The following CXADR variants were observed in gnomAD, a reference collection of about 807,000 sequenced individuals.
CXADR encodes CXADR cell adhesion molecule.
CXADR carries 20 observed loss-of-function variants against 40.3 expected under a neutral mutation model. The ratio of observed to expected loss-of-function variants is 0.50; its 90% CI spans 0.35 to 0.72. The LOEUF (loss-of-function observed/expected upper bound fraction) is 0.72. Among genes scored for constraint, CXADR ranks in the 30% least tolerant of loss-of-function variants. The pLI is 0.01. For missense variants in CXADR, 332 were observed against 449.1 expected (o/e 0.74, Z 2.36); for synonymous variants, 150 against 161.3 (o/e 0.93, Z 0.53).
At position 17,559,097 on chromosome 21, in the gene CXADR, T is replaced by C. The variant is rs1162471050; in HGVS notation, c.537T>C (p.Ser179=). 1.2e-6 allele frequency: 2 copies of C among 1,614,152 alleles called. No homozygotes were observed. The highest frequency in any genetic ancestry group is 1.7e-6 in the Non-Finnish European group (2 of 1,180,000). ...TACAGTATGAGTGGCAAAAATTGTCTGACTCACAGAAAATGCCCACTTCAT... is the reference window on the plus strand; with the variant it reads ...TACAGTATGAGTGGCAAAAATTGTCCGACTCACAGAAAATGCCCACTTCAT... The part of the protein sequence containing the change: ...LPLQYEWQKL[S]DSQKMPTSWL... Residue 179 remains serine (S), a synonymous_variant, in exon 4 of 7, where the codon TCT becomes TCC. Coordinates refer to ENST00000284878, the MANE Select transcript of CXADR (RefSeq NM_001338.5).
intron 7 of CXADR, among the ~76,000 whole-genome samples, chr21:17,581,297 A>C (rs192902961): frequency 2.6e-4 from 40 of 152,318 alleles, no homozygotes; most frequent in African/African-American, 8.7e-4. Context: ...GTATGTATAA[A>C]TATATCTTTA....
chr21:17,534,071 C>CACACATATATATAGCTATATATATATAT (rs2060717307), intron 1 of CXADR, among the ~76,000 whole-genome samples: 2 of 56,946 alleles, frequency 3.5e-5, no homozygotes, highest in Non-Finnish European at 6.8e-5. Context: ...TATATATATA[C>CACACATATATATAGCTATATATATATAT]ACACACACAC....
At chr21:17,582,409 GC>G (rs2061367866) in intron 7 of CXADR, among the ~76,000 whole-genome samples, 1 of 152,010 alleles carries the variant, frequency 6.6e-6, no homozygotes, top group Admixed American at 6.6e-5. Context: ...CCCTTTTATG[GC>G]TATGTAATCT....
intron 6 of CXADR, 63 bp from the exon 7 acceptor site, chr21:17,565,365 T>A: frequency 6.5e-7 from 1 of 1,529,160 alleles, no homozygotes; most frequent in East Asian, 2.3e-5. Context: ...ATTCATAGCT[T>A]GCATAATTGT....
the CXADR span, among the ~76,000 whole-genome samples, chr21:17,610,365 A>G: frequency 2.6e-5 from 4 of 152,358 alleles, no homozygotes; most frequent in Middle Eastern, 3.4e-3. Flanking sequence ...AAAAAATTTC[A>G]GCATTGACTT....
At chr21:17,614,519 G>A in the CXADR span, among the ~76,000 whole-genome samples, 14 of 152,242 alleles carry the variant, frequency 9.2e-5, no homozygotes, top group African/African-American at 3.4e-4. Context: ...AAGGAGAGAG[G>A]ATCATTTGAC....
intron 3 of CXADR, among the ~76,000 whole-genome samples, chr21:17,558,707 G>A (rs1376791751): frequency 6.6e-6 from 1 of 152,058 alleles, no homozygotes; most frequent in African/African-American, 2.4e-5. Context: ...TTTCAGGTGT[G>A]CCCCATGAAA....
chr21:17,575,492 A>AT (rs77521268), intron 7 of CXADR, among the ~76,000 whole-genome samples: 3,357 of 141,780 alleles, frequency 0.024, 145 homozygotes, highest in East Asian at 0.2. Context: ...CAATTGTAAA[A>AT]TTTTTTTTTT....
At chr21:17,572,054 C>T (rs1050028916), downstream of CXADR, among the ~76,000 whole-genome samples, 1 of 152,042 alleles carries the variant, frequency 6.6e-6, no homozygotes, top group Admixed American at 6.6e-5. Context: ...AGCCACCTGG[C>T]CTGGTCTCTT....
intron 1 of CXADR, among the ~76,000 whole-genome samples, chr21:17,526,878 A>T (rs1301376455): frequency 6.6e-6 from 1 of 151,982 alleles, no homozygotes; most frequent in Admixed American, 6.6e-5. Flanking sequence ...TTCCTGTCTC[A>T]TGTTAATTGA....
At position 17,534,515 on chromosome 21, in the gene CXADR, A is replaced by G. The variant is rs188790766; in HGVS notation, c.44-12512A>G. On this transcript the variant is annotated intron_variant, in intron 1 of 6. Coordinates refer to ENST00000284878, the MANE Select transcript of CXADR (RefSeq NM_001338.5). ...ATGACTTTCAAATATTGCTAATCTC[A>G]AAGCAACTTCCTGGGAAGAAGAAAG... is the stretch of plus-strand genomic sequence containing the variant. Among the ~76,000 whole-genome samples the G allele has an allele frequency of 1.6e-3, 243 of 152,274 alleles. 1 individual carries two copies. Among genetic ancestry groups the G allele is most frequent in the African/African-American group, 5.7e-3 (236 of 41,562 alleles).
chr21:17,572,081 G>C (rs1375885218), downstream of CXADR, among the ~76,000 whole-genome samples: 2 of 152,084 alleles, frequency 1.3e-5, no homozygotes, highest in Non-Finnish European at 2.9e-5. Context: ...GGCAGTATTG[G>C]CCAGGTTGGG....
chr21:17,629,244 G>A, the CXADR span, among the ~76,000 whole-genome samples: 2 of 151,870 alleles, frequency 1.3e-5, no homozygotes, highest in African/African-American at 2.4e-5. Flanking sequence ...GCTGGGTATG[G>A]TGATGCAGGC....
At chr21:17,582,472 A>G (rs1448589922) in intron 7 of CXADR, among the ~76,000 whole-genome samples, 2 of 172 alleles carry the variant, frequency 0.012, no homozygotes, top group Non-Finnish European at 0.023. Context: ...TTCTGGTTCA[A>G]CACTGACTTA....
the CXADR span, among the ~76,000 whole-genome samples, chr21:17,623,171 G>A: frequency 1.3e-5 from 2 of 151,980 alleles, no homozygotes; most frequent in Admixed American, 1.3e-4. Context: ...GAACTCCTGG[G>A]CTCAAGCCAT....
chr21:17,519,609 C>T (rs531226950), intron 1 of CXADR, among the ~76,000 whole-genome samples: 18 of 152,290 alleles, frequency 1.2e-4, no homozygotes, highest in South Asian at 6.2e-4. Context: ...TGTTGACCTG[C>T]GCTTTACTGT....
chr21:17,561,957 C>G (rs1360410582), intron 6 of CXADR, among the ~76,000 whole-genome samples: 1 of 152,158 alleles, frequency 6.6e-6, no homozygotes, highest in African/African-American at 2.4e-5. Context: ...ACTTCACACC[C>G]TAGAAATTGA....
intron 4 of CXADR, among the ~76,000 whole-genome samples, chr21:17,559,594 C>T (rs1466916591): frequency 1.3e-5 from 2 of 150,434 alleles, no homozygotes; most frequent in East Asian, 3.9e-4. Context: ...AATTTAGTGT[C>T]ATATATTATA....
chr21:17,605,053 G>A, the CXADR span: 1,147 of 1,570,818 alleles, frequency 7.3e-4, 17 homozygotes, highest in South Asian at 0.012. Context: ...CATAAACGCC[G>A]TAATATCTAT....
Sources: gnomAD v4.1 joint callset for allele counts (sites outside exome capture counted in the v4.1 genomes callset) on GRCh38, gnomAD v4.1.1 for gene constraint, MANE v1.5 for transcripts, NCBI Gene and HGNC (gene_info 2026-07-23, HGNC 2026-07-21) for gene names.